The following RAP1GDS1 variants were observed in gnomAD, a reference collection of about 807,000 sequenced individuals.
The protein encoded by RAP1GDS1 is Rap1 GTPase-GDP dissociation stimulator 1.
A neutral mutation model predicts 71.1 loss-of-function variants in RAP1GDS1; 35 were observed. That is an observed-to-expected ratio of 0.49 (90% confidence interval 0.38 to 0.65). The LOEUF (loss-of-function observed/expected upper bound fraction) is 0.65. Among genes scored for constraint, RAP1GDS1 ranks in the 30% least tolerant of loss-of-function variants. The pLI is 0.00. For synonymous variants in RAP1GDS1, 229 were observed against 243.1 expected (o/e 0.94, Z 0.54); for missense variants, 663 against 706.1 (o/e 0.94, Z 0.69).
chr4:98,286,372 A>C (rs499460), intron 1 of RAP1GDS1, among the ~76,000 whole-genome samples: 1 of 152,068 alleles, frequency 6.6e-6, no homozygotes, highest in South Asian at 2.1e-4. Context: ...TGTAGAGCCT[A>C]ATCACATATA....
chr4:98,289,093 A>G (rs1726502010), intron 1 of RAP1GDS1, among the ~76,000 whole-genome samples: 1 of 152,174 alleles, frequency 6.6e-6, no homozygotes, highest in African/African-American at 2.4e-5. Context: ...TAATTATACA[A>G]GGTAGCCCTT....
Position 98,363,478 on chromosome 4 carries a change from C to CAA in RAP1GDS1, c.361+10903_361+10904dup, listed in dbSNP as rs34393905. ...CCTAAATAACAGTGAGACCCTGTCTCAAAAAAAAAAAAAAAAAAAAAAAAA... is the reference window on the plus strand; with the variant it reads ...CCTAAATAACAGTGAGACCCTGTCTCAAAAAAAAAAAAAAAAAAAAAAAAAAA... On this transcript the variant is annotated intron_variant, in intron 4 of 14. Coordinates refer to ENST00000408927, the MANE Select transcript of RAP1GDS1 (RefSeq NM_001100427.2). Among the ~76,000 whole-genome samples, 355 of 37,726 alleles carry CAA rather than the reference C, an allele frequency of 9.4e-3. 50 individuals carry two copies. The highest frequency in any genetic ancestry group is 0.016 in the Non-Finnish European group (297 of 18,186). 24.7% of individuals were successfully genotyped at this position (37,726 alleles called of 152,430 possible).
chr4:98,349,297 G>A (rs1194281314), intron 3 of RAP1GDS1, among the ~76,000 whole-genome samples: 2 of 152,120 alleles, frequency 1.3e-5, no homozygotes, highest in Admixed American at 1.3e-4. Flanking sequence ...TATTATTTCT[G>A]AGGCCTCTGT....
chr4:98,433,547 T>C (rs917128782), intron 12 of RAP1GDS1, among the ~76,000 whole-genome samples: 9 of 152,196 alleles, frequency 5.9e-5, no homozygotes, highest in Non-Finnish European at 1.2e-4. Context: ...GTCAGAGCAC[T>C]GGGATTAACG....
At chr4:98,320,285 A>C (rs992238955) in intron 2 of RAP1GDS1, among the ~76,000 whole-genome samples, 1 of 152,062 alleles carries the variant, frequency 6.6e-6, no homozygotes, top group African/African-American at 2.4e-5. Context: ...ACTCATTTTT[A>C]TTGGTTGATT....
chr4:98,328,536 A>G (rs973237076), intron 2 of RAP1GDS1, among the ~76,000 whole-genome samples: 4 of 152,202 alleles, frequency 2.6e-5, no homozygotes, highest in African/African-American at 9.7e-5. Context: ...GTTTCAGTTT[A>G]TAAAGCTTTA....
chr4:98,417,372 T>C lies in RAP1GDS1; in HGVS notation c.913T>C (p.Ser305Pro), dbSNP rs1245121569. 2 of 1,610,420 alleles carry C rather than the reference T, an allele frequency of 1.2e-6. No homozygotes were observed. The highest frequency in any genetic ancestry group is 1.7e-6 in the Non-Finnish European group (2 of 1,177,774). ...TTCGTTTCATTTACCTCCAGATGAA[T>C]CCATGCAGAAGTTATTTGAAGGAGG... is the stretch of plus-strand genomic sequence containing the variant. ...LMVLLLLGDE[S>P]MQKLFEGGKG... Residue 305 changes from serine (S) to proline (P), a missense_variant, in exon 9 of 15, where the codon TCC (serine) becomes CCC (proline). Coordinates refer to ENST00000408927, the MANE Select transcript of RAP1GDS1 (RefSeq NM_001100427.2).
At chr4:98,381,929 A>AACTT (rs1224047747) in intron 5 of RAP1GDS1, among the ~76,000 whole-genome samples, 7 of 151,608 alleles carry the variant, frequency 4.6e-5, no homozygotes, top group Admixed American at 4.6e-4. Flanking sequence ...TCAAAATTGA[A>AACTT]ACTTAGAATG....
chr4:98,385,370 A>G (rs1742592955), intron 5 of RAP1GDS1, among the ~76,000 whole-genome samples: 1 of 151,790 alleles, frequency 6.6e-6, no homozygotes, highest in African/African-American at 2.4e-5. Context: ...ATCATTGATC[A>G]TGCACAAATT....
intron 1 of RAP1GDS1, among the ~76,000 whole-genome samples, chr4:98,282,191 C>T (rs1475719355): frequency 6.6e-6 from 1 of 152,176 alleles, no homozygotes; most frequent in Non-Finnish European, 1.5e-5. Flanking sequence ...ATGGTACCAG[C>T]TCCTCTTTGT....
intron 4 of RAP1GDS1, among the ~76,000 whole-genome samples, chr4:98,373,617 G>T (rs539000784): frequency 1.3e-5 from 2 of 152,250 alleles, no homozygotes; most frequent in Admixed American, 6.5e-5. Context: ...AGGTACAGTA[G>T]TGCCCCCTTA....
At chr4:98,407,320 A>AT (rs1419751584) in intron 7 of RAP1GDS1, among the ~76,000 whole-genome samples, 5 of 152,044 alleles carry the variant, frequency 3.3e-5, no homozygotes, top group East Asian at 1.9e-4. Context: ...ACAAAAAAAA[A>AT]TTTTTTAAGT....
intron 1 of RAP1GDS1, among the ~76,000 whole-genome samples, chr4:98,280,101 T>C (rs1275462204): frequency 2.0e-5 from 3 of 152,238 alleles, no homozygotes; most frequent in Non-Finnish European, 2.9e-5. Context: ...TAGCATAATT[T>C]ATAGTCCTTT....
intron 2 of RAP1GDS1, among the ~76,000 whole-genome samples, chr4:98,337,644 C>T (rs1734892800): frequency 6.6e-6 from 1 of 152,038 alleles, no homozygotes; most frequent in South Asian, 2.1e-4. Context: ...TTATGGAAGT[C>T]AGATAACATT....
chr4:98,404,262 T>G (rs1219979914), intron 6 of RAP1GDS1, among the ~76,000 whole-genome samples: 1 of 152,132 alleles, frequency 6.6e-6, no homozygotes, highest in Non-Finnish European at 1.5e-5. Context: ...CTAGAGAACC[T>G]TTTTTTATAG....
intron 3 of RAP1GDS1, 74 bp from the exon 4 acceptor site, chr4:98,352,402 A>C: frequency 6.7e-7 from 1 of 1,496,850 alleles, no homozygotes; most frequent in South Asian, 1.2e-5. Context: ...GTAGGTATTT[A>C]TTTTATTAGG....
chr4:98,280,791 G>A (rs1479248419), intron 1 of RAP1GDS1, among the ~76,000 whole-genome samples: 1 of 152,150 alleles, frequency 6.6e-6, no homozygotes, highest in African/African-American at 2.4e-5. Flanking sequence ...TTTGTATAAG[G>A]TGTAAGGAAG....
rs1740238983 is a variant in RAP1GDS1, at chr4:98,370,683, G to A, written c.362-8334G>A. 2.0e-5 allele frequency among the ~76,000 whole-genome samples: 3 copies of A among 151,682 alleles called. No individual in the cohort carries two copies. In the East Asian group the frequency reaches 5.9e-4, roughly 30 times the overall value. ...CCTCCTGGGTTCAAGCGATTCTCCTGCCTCAGCCTCCCGAGTAGCTGGGAC... is the reference window on the plus strand; with the variant it reads ...CCTCCTGGGTTCAAGCGATTCTCCTACCTCAGCCTCCCGAGTAGCTGGGAC... On this transcript the variant is annotated intron_variant, in intron 4 of 14. Transcript: ENST00000408927.
intron 3 of RAP1GDS1, among the ~76,000 whole-genome samples, chr4:98,344,998 A>G (rs1010939477): frequency 1.3e-5 from 2 of 151,968 alleles, no homozygotes; most frequent in African/African-American, 2.4e-5. Flanking sequence ...TAATTTTTAA[A>G]TTATTATTAT....
Sources: gnomAD v4.1 joint callset for allele counts (sites outside exome capture counted in the v4.1 genomes callset) on GRCh38, gnomAD v4.1.1 for gene constraint, MANE v1.5 for transcripts, NCBI Gene and HGNC (gene_info 2026-07-23, HGNC 2026-07-21) for gene names.